Variants in RSU1 observed in about 807,000 individuals in gnomAD.
RSU1 encodes the protein rsu-1.
Under a neutral mutation model 31.1 loss-of-function variants are expected in RSU1, and 26 were observed. The observed-to-expected ratio is 0.84, with a 90% CI of 0.61 to 1.16. The LOEUF is 1.16. RSU1 is among the 50% of genes most tolerant of loss of function. The pLI is 0.00. For missense variants in RSU1, 320 were observed against 339.1 expected, an observed-to-expected ratio of 0.94 and a Z score of 0.44; for synonymous variants, 164 against 136.3, an observed-to-expected ratio of 1.20 and a Z score of -1.41.
intron 8 of RSU1, among the ~76,000 whole-genome samples, chr10:16,682,535 TACACACACACACACACACACAC>T (rs68128821): frequency 3.8e-5 from 1 of 26,480 alleles, no homozygotes; most frequent in African/African-American, 1.5e-4. Flanking sequence ...AAATCATTCA[TACACACACACACACACACACAC>T]ACACACACAC....
intron 7 of RSU1, among the ~76,000 whole-genome samples, chr10:16,746,732 T>C (rs775490147): frequency 2.6e-5 from 4 of 151,052 alleles, no homozygotes; most frequent in African/African-American, 4.9e-5. Flanking sequence ...AGGGTATGCA[T>C]TGAGTTTCCT....
At chr10:16,691,114 T>A in intron 8 of RSU1, among the ~76,000 whole-genome samples, 1 of 152,304 alleles carries the variant, frequency 6.6e-6, no homozygotes, top group Middle Eastern at 3.4e-3. Context: ...GTATCATGAA[T>A]AAACTGCCTC....
Position 16,591,797 on chromosome 10 carries a change from A to G in RSU1, c.*1597T>C, listed in dbSNP as rs1050133056. On this transcript the variant is annotated 3_prime_UTR_variant, in exon 9 of 9. Transcript: ENST00000345264. ...TTAGGTTAAGTCTTTCCTATCCACAACAGCAAAGGCCTTGTTCTCCCTCGT... is the reference window on the plus strand; with the variant it reads ...TTAGGTTAAGTCTTTCCTATCCACAGCAGCAAAGGCCTTGTTCTCCCTCGT... 1 of 152,168 alleles carries G rather than the reference A, an allele frequency of 6.6e-6. No individual in the cohort carries two copies. The highest frequency in any genetic ancestry group is 2.4e-5 in the African/African-American group (1 of 41,430). The allele number at this position is 152,168 out of a possible 1,614,324, so 9.4% of individuals were successfully genotyped here.
chr10:16,595,551 T>C (rs1020679494), intron 8 of RSU1, among the ~76,000 whole-genome samples: 2 of 152,180 alleles, frequency 1.3e-5, no homozygotes, highest in African/African-American at 4.8e-5. Flanking sequence ...GAAGTTTCCA[T>C]ATGTCCTAGA....
At chr10:16,717,731 A>G (rs550485077) in intron 7 of RSU1, among the ~76,000 whole-genome samples, 2 of 152,216 alleles carry the variant, frequency 1.3e-5, no homozygotes, top group African/African-American at 2.4e-5. Flanking sequence ...AAAATTTAAC[A>G]GTAGGACTCA....
intron 5 of RSU1, among the ~76,000 whole-genome samples, chr10:16,753,623 C>A (rs956330808): frequency 6.6e-6 from 1 of 152,110 alleles, no homozygotes; most frequent in African/African-American, 2.4e-5. Flanking sequence ...TAAATCCTAA[C>A]TTAAGGAGAA....
rs201408708 is a variant in RSU1, at chr10:16,764,532, G to C, written c.161-22C>G. On this transcript the variant is annotated intron_variant, in intron 3 of 8. Coordinates refer to ENST00000345264, the MANE Select transcript of RSU1 (RefSeq NM_012425.4). Reference sequence around the variant, plus strand: ...ACCACTATGGAAACAAAAATGCTGAGTGTGAATCTGGGAATGGAACTCCTA... The same window carrying C: ...ACCACTATGGAAACAAAAATGCTGACTGTGAATCTGGGAATGGAACTCCTA... The C allele has an allele frequency of 7.5e-6, 12 of 1,604,934 alleles. No individual in the cohort carries two copies. In the Admixed American group the frequency reaches 1.9e-4, roughly 25 times the overall value.
chr10:16,759,917 G>T (rs1426806890), intron 4 of RSU1, among the ~76,000 whole-genome samples: 1 of 152,082 alleles, frequency 6.6e-6, no homozygotes, highest in East Asian at 1.9e-4. Context: ...TCCACTTTGT[G>T]ATCTCCTGTG....
intron 8 of RSU1, among the ~76,000 whole-genome samples, chr10:16,678,132 C>T (rs1389648006): frequency 6.6e-6 from 1 of 152,178 alleles, no homozygotes; most frequent in Non-Finnish European, 1.5e-5. Flanking sequence ...GCTTTTCTCT[C>T]ACTTAAAGTC....
chr10:16,732,732 A>G (rs1320785241), intron 7 of RSU1, among the ~76,000 whole-genome samples: 3 of 152,238 alleles, frequency 2.0e-5, no homozygotes, highest in African/African-American at 7.2e-5. Context: ...TGGTGTTCCA[A>G]TTTAACAGGT....
At chr10:16,790,443 G>A (rs917627262) in intron 2 of RSU1, among the ~76,000 whole-genome samples, 2 of 152,166 alleles carry the variant, frequency 1.3e-5, no homozygotes, top group Non-Finnish European at 2.9e-5. Flanking sequence ...GACACTGAGA[G>A]GTGGATTTAG....
chr10:16,616,411 GATTCACAGCC>G (rs983486340), intron 8 of RSU1, among the ~76,000 whole-genome samples: 35 of 149,084 alleles, frequency 2.3e-4, no homozygotes, highest in African/African-American at 8.4e-4. Context: ...GGACCAGATG[GATTCACAGCC>G]AAATTCTACC....
chr10:16,760,918 T>C (rs1837200550), intron 4 of RSU1, among the ~76,000 whole-genome samples: 1 of 152,136 alleles, frequency 6.6e-6, no homozygotes, highest in African/African-American at 2.4e-5. Flanking sequence ...CAAGGGTCAG[T>C]ATAAAATTGG....
intron 7 of RSU1, among the ~76,000 whole-genome samples, chr10:16,696,646 G>A (rs1445060841): frequency 1.3e-5 from 2 of 152,154 alleles, no homozygotes; most frequent in African/African-American, 4.8e-5. Context: ...TATCAATATT[G>A]TCAATTTCCT....
chr10:16,672,288 C>A (rs573519485), intron 8 of RSU1, among the ~76,000 whole-genome samples: 110 of 151,768 alleles, frequency 7.2e-4, no homozygotes, highest in Non-Finnish European at 1.4e-3. Flanking sequence ...CCAGCCTGGG[C>A]GACAGGGCAA....
chr10:16,653,896 C>T (rs981943153), intron 8 of RSU1, among the ~76,000 whole-genome samples: 8 of 152,034 alleles, frequency 5.3e-5, no homozygotes, highest in African/African-American at 1.9e-4. Context: ...AGAGCTAATC[C>T]CTAGATTTAT....
intron 8 of RSU1, among the ~76,000 whole-genome samples, chr10:16,693,881 A>T (rs886250473): frequency 1.3e-5 from 2 of 152,186 alleles, no homozygotes; most frequent in East Asian, 3.8e-4. Flanking sequence ...TTAATTAATT[A>T]ATTAAAAAAT....
chr10:16,741,539 G>C (rs530167130), intron 7 of RSU1, among the ~76,000 whole-genome samples: 3 of 152,226 alleles, frequency 2.0e-5, no homozygotes, highest in East Asian at 1.9e-4. Context: ...AAAATATTCA[G>C]GTGAAAATTC....
At chr10:16,627,017 T>C in intron 8 of RSU1, among the ~76,000 whole-genome samples, 1 of 152,254 alleles carries the variant, frequency 6.6e-6, no homozygotes, top group East Asian at 1.9e-4. Flanking sequence ...TAAGAATGTA[T>C]ACTGATATTC....
Sources: gnomAD v4.1 joint callset for allele counts (sites outside exome capture counted in the v4.1 genomes callset) on GRCh38, gnomAD v4.1.1 for gene constraint, MANE v1.5 for transcripts, NCBI Gene and HGNC (gene_info 2026-07-23, HGNC 2026-07-21) for gene names.